Variants in ALK observed in about 807,000 individuals in gnomAD.
The protein encoded by ALK is ALK tyrosine kinase receptor.
In ALK, 74 loss-of-function variants were observed where a neutral mutation model predicts 163.1. The observed-to-expected ratio is 0.45, with a 90% CI of 0.38 to 0.55. The LOEUF (loss-of-function observed/expected upper bound fraction) is 0.55, where lower values mean the gene tolerates loss of function less well. ALK is among the 20% of genes least tolerant of loss of function. The pLI is 0.00. For missense variants in ALK, 2,063 were observed against 2,105.3 expected (o/e 0.98, Z 0.39); for synonymous variants, 960 against 843.2 (o/e 1.14, Z -2.40).
chr2:29,842,342 A>G (rs1225947624), intron 1 of ALK, among the ~76,000 whole-genome samples: 1 of 152,234 alleles, frequency 6.6e-6, no homozygotes, highest in African/African-American at 2.4e-5. Flanking sequence ...GAATACAAGA[A>G]AAGCCCCACC....
chr2:29,230,432 A>T (rs1456049296), intron 15 of ALK, among the ~76,000 whole-genome samples: 2 of 152,020 alleles, frequency 1.3e-5, no homozygotes, highest in Non-Finnish European at 2.9e-5. Context: ...GGGGACCTGG[A>T]AATTGATGGT....
In ALK at chr2:29,920,640, AG is replaced by A. The variant is rs770612152; in HGVS notation, c.19del (p.Leu7CysfsTer74). On this transcript the variant is annotated frameshift_variant, in exon 1 of 29. Transcript: ENST00000389048. LOFTEE classifies it high-confidence loss of function. ...GGAAAGCAGCAGCGGCAGGAGCCAC[AG>A]GAGCCCGATGGCTCCCATCCCGCCG... MGAIGL[L>X]WLLPLLLSTA... The A allele has an allele frequency of 3.9e-6, 6 of 1,539,118 alleles. No homozygotes were observed. The South Asian group carries it at 5.9e-5, about 15-fold the overall frequency.
At chr2:29,653,012 G>C (rs1362330574) in intron 3 of ALK, among the ~76,000 whole-genome samples, 1 of 152,110 alleles carries the variant, frequency 6.6e-6, no homozygotes, top group Non-Finnish European at 1.5e-5. Context: ...GGTTCCTAAG[G>C]CTTGGACTTA....
At chr2:29,385,119 AT>A (rs11295853) in intron 4 of ALK, among the ~76,000 whole-genome samples, 42,437 of 146,916 alleles carry the variant, frequency 0.29, 6,208 homozygotes, top group East Asian at 0.48. Flanking sequence ...AATATTTCAC[AT>A]TTTTTTTTTT....
intron 1 of ALK, among the ~76,000 whole-genome samples, chr2:29,879,775 A>C (rs1285559810): frequency 1.3e-5 from 2 of 152,206 alleles, no homozygotes; most frequent in Non-Finnish European, 2.9e-5. Flanking sequence ...TCCCAAAAGA[A>C]TGCTTTTCTT....
intron 3 of ALK, among the ~76,000 whole-genome samples, chr2:29,579,514 A>C (rs1216297030): frequency 6.6e-6 from 1 of 152,190 alleles, no homozygotes; most frequent in African/African-American, 2.4e-5. Flanking sequence ...TTTTATGTGC[A>C]TTGTTATATG....
chr2:29,313,169 G>A (rs1014376808), intron 8 of ALK, among the ~76,000 whole-genome samples: 1 of 152,198 alleles, frequency 6.6e-6, no homozygotes, highest in Non-Finnish European at 1.5e-5. Flanking sequence ...CCCAGAGAGG[G>A]GAAGTGTGCA....
At chr2:29,747,241 T>G (rs192555146) in intron 1 of ALK, among the ~76,000 whole-genome samples, 1 of 152,238 alleles carries the variant, frequency 6.6e-6, no homozygotes, top group African/African-American at 2.4e-5. Context: ...CAGGGCTTTA[T>G]TCACAACAAT....
chr2:29,681,164 G>T (rs1285772868), intron 3 of ALK: 3 of 152,308 alleles, frequency 2.0e-5, no homozygotes, highest in African/African-American at 7.2e-5. Context: ...AGGCAACCTG[G>T]TAGTCCCCTG....
chr2:29,200,211 A>AAAACT lies in ALK; in HGVS notation c.3939-2540_3939-2536dup, dbSNP rs769038770. Among the ~76,000 whole-genome samples, 19 of 152,188 alleles carry AAAACT rather than the reference A, an allele frequency of 1.2e-4. 1 individual carries two copies. The highest frequency in any genetic ancestry group is 1.5e-4 in the Non-Finnish European group (10 of 68,034). ...TGGTGATCTTACTTCCCTTCAAGGC[A>AAAACT]AAACTAACTAGGCAAAATCAAATGA... On this transcript the variant is annotated intron_variant, in intron 26 of 28. Transcript: ENST00000389048.
At chr2:29,782,762 T>C (rs975708789) in intron 1 of ALK, among the ~76,000 whole-genome samples, 1 of 152,228 alleles carries the variant, frequency 6.6e-6, no homozygotes. Context: ...AAGCTTCAAA[T>C]GCCATTATCA....
intron 4 of ALK, among the ~76,000 whole-genome samples, chr2:29,445,579 G>A (rs1670652559): frequency 6.6e-6 from 1 of 152,196 alleles, no homozygotes; most frequent in Non-Finnish European, 1.5e-5. Flanking sequence ...TCGGGAGGCC[G>A]AGGGGGGTGG....
rs141203464 is a variant in ALK, at chr2:29,251,299, G to A, written c.2042-32C>T. ...CACAAGAGGAGAGGCAGTCACTCATGTGGCCAGGCCCTCCCTCCTCCAGGG... is the reference window on the plus strand; with the variant it reads ...CACAAGAGGAGAGGCAGTCACTCATATGGCCAGGCCCTCCCTCCTCCAGGG... On this transcript the variant is annotated intron_variant, in intron 11 of 28. Transcript: ENST00000389048. 1,136 of 1,605,276 alleles carry A rather than the reference G, an allele frequency of 7.1e-4. 3 individuals are homozygous for A. Among genetic ancestry groups the A allele is most frequent in the Middle Eastern group, 4.9e-3 (28 of 5,740 alleles).
chr2:29,578,739 T>C (rs949139186), intron 3 of ALK, among the ~76,000 whole-genome samples: 2 of 152,116 alleles, frequency 1.3e-5, no homozygotes, highest in Non-Finnish European at 2.9e-5. Context: ...GCCACAGAGA[T>C]GGTTGATTTC....
intron 2 of ALK, among the ~76,000 whole-genome samples, chr2:29,696,849 G>C (rs575371880): frequency 6.6e-6 from 1 of 151,642 alleles, no homozygotes; most frequent in East Asian, 1.9e-4. Flanking sequence ...ACTGCTCTGG[G>C]AGAAGCTGTC....
At chr2:29,423,737 G>A (rs1412593382) in intron 4 of ALK, among the ~76,000 whole-genome samples, 1 of 152,182 alleles carries the variant, frequency 6.6e-6, no homozygotes, top group Non-Finnish European at 1.5e-5. Context: ...AACTCCTTAG[G>A]ACACTGGGGG....
chr2:29,238,480 A>G (rs1337157628), intron 13 of ALK, among the ~76,000 whole-genome samples: 1 of 152,092 alleles, frequency 6.6e-6, no homozygotes, highest in African/African-American at 2.4e-5. Context: ...TACAGGCATG[A>G]ACCACCGCAC....
At chr2:29,667,366 TG>T in intron 3 of ALK, among the ~76,000 whole-genome samples, 1 of 152,234 alleles carries the variant, frequency 6.6e-6, no homozygotes, top group Admixed American at 6.5e-5. Context: ...ATAAAACTGG[TG>T]AAACTGGGCA....
chr2:29,594,236 A>G (rs937229975), intron 3 of ALK, among the ~76,000 whole-genome samples: 1 of 152,192 alleles, frequency 6.6e-6, no homozygotes, highest in Admixed American at 6.5e-5. Context: ...ATTTACTAGT[A>G]TCTATGTTTT....
Sources: allele counts gnomAD v4.1 joint callset (sites outside exome capture counted in the v4.1 genomes callset), GRCh38; gene constraint gnomAD v4.1.1; transcripts MANE v1.5; gene names NCBI Gene and HGNC (gene_info 2026-07-23, HGNC 2026-07-21).